Variants in PCDHGA5 observed in about 807,000 individuals in gnomAD.
PCDHGA5 encodes protocadherin gamma-A5.
Under a neutral mutation model 56.7 loss-of-function variants are expected in PCDHGA5, and 36 were observed. The ratio of observed to expected loss-of-function variants is 0.64; its 90% CI spans 0.49 to 0.84. The LOEUF (loss-of-function observed/expected upper bound fraction) is 0.84, where lower values mean the gene tolerates loss of function less well. PCDHGA5 is among the 40% of genes least tolerant of loss of function. PCDHGA5 has a pLI of 0.00. For synonymous variants in PCDHGA5, 563 were observed against 520.2 expected (o/e 1.08, Z -1.12); for missense variants, 1,305 against 1,201.5 (o/e 1.09, Z -1.27).
At chr5:141,500,184 T>A (rs889800014) in intron 2 of PCDHGA5, among the ~76,000 whole-genome samples, 89 of 135,966 alleles carry the variant, frequency 6.5e-4, no homozygotes, top group African/African-American at 2.4e-3. Flanking sequence ...TCATTTTTAT[T>A]TTTATTTATT....
At chr5:141,474,847 GC>G (rs1357496937) in intron 1 of PCDHGA5, among the ~76,000 whole-genome samples, 1 of 152,198 alleles carries the variant, frequency 6.6e-6, no homozygotes, top group East Asian at 1.9e-4. Context: ...CACTTTACCT[GC>G]CTTCTTCATT....
chr5:141,364,319 A>G lies in PCDHGA5; in HGVS notation c.-12A>G. The G allele has an allele frequency of 6.6e-7, 1 of 1,525,796 alleles. No homozygotes were observed. The highest frequency in any genetic ancestry group is 8.8e-7 in the Non-Finnish European group (1 of 1,140,038). 94.5% of individuals were successfully genotyped at this position (1,525,796 alleles called of 1,614,324 possible). A position where few individuals can be genotyped will look rare whatever the true frequency, so the allele number is the denominator to read the frequency against. The stretch of plus-strand genomic sequence containing the variant: ...AACCAGAACTAAGAGAAAATTGGGC[A>G]GAGAGAAGGCAATGGCGAGTCCACC... On this transcript the variant is annotated 5_prime_UTR_variant, in exon 1 of 4. Coordinates refer to ENST00000518069, the MANE Select transcript of PCDHGA5 (RefSeq NM_018918.3).
chr5:141,409,196 A>G (rs1197077093), intron 1 of PCDHGA5: 2 of 1,613,926 alleles, frequency 1.2e-6, no homozygotes, highest in Non-Finnish European at 1.7e-6. Flanking sequence ...TACCCAGTGT[A>G]AAGTAATCAT....
intron 1 of PCDHGA5, chr5:141,424,529 A>G (rs1308118953): frequency 6.6e-6 from 1 of 152,218 alleles, no homozygotes; most frequent in Non-Finnish European, 1.5e-5. Context: ...AAATCCATAT[A>G]TAGAAATAAC....
intron 1 of PCDHGA5, among the ~76,000 whole-genome samples, chr5:141,483,432 A>G (rs756227206): frequency 2.0e-5 from 3 of 152,200 alleles, no homozygotes; most frequent in African/African-American, 4.8e-5. Flanking sequence ...GAGGGAGCTG[A>G]CTACAATAAA....
rs76218301 is a variant in PCDHGA5 at position 141,380,317 on chromosome 5, A to G, written c.2421+13566A>G. On this transcript the variant is annotated intron_variant, in intron 1 of 3. Transcript: ENST00000518069. ...CCTATATCTTTGCTTGAGAATGAAA[A>G]TCTAAATGGAACTTCAAAGAACTGT... is the stretch of plus-strand genomic sequence containing the variant. Among the ~76,000 whole-genome samples the G allele has an allele frequency of 1.7e-4, 26 of 152,324 alleles. No individual in the cohort carries two copies. The East Asian group carries it at 5.0e-3, about 29-fold the overall frequency.
chr5:141,480,660 C>T (rs535356928), intron 1 of PCDHGA5, among the ~76,000 whole-genome samples: 2 of 152,170 alleles, frequency 1.3e-5, no homozygotes, highest in Non-Finnish European at 2.9e-5. Flanking sequence ...ACATTAAAAT[C>T]ACCTAGAGAC....
At chr5:141,398,993 G>A (rs1438560245) in intron 1 of PCDHGA5, 2 of 1,613,944 alleles carry the variant, frequency 1.2e-6, no homozygotes, top group Admixed American at 1.7e-5. Flanking sequence ...CAAATCTTTA[G>A]TCTGAATTCA....
rs372168887 is a variant in PCDHGA5, at chr5:141,477,322, C to T, written c.2422-17485C>T. On this transcript the variant is annotated intron_variant, in intron 1 of 3. Transcript: ENST00000518069. The surrounding 1 kb of genome is among the most constrained non-coding windows in gnomAD (Gnocchi z 4.9). The stretch of plus-strand genomic sequence containing the variant: ...GTCTCCCTTTCAGCCTTACTTCTTC[C>T]CTCAAGAATTACTTCACTTTGAAAA... 17 of 1,614,050 alleles carry T rather than the reference C, an allele frequency of 1.1e-5. No homozygotes were observed. In the African/African-American group the frequency reaches 1.5e-4, roughly 14 times the overall value.
At chr5:141,388,365 G>A (rs2091332064) in intron 1 of PCDHGA5, 1 of 1,614,002 alleles carries the variant, frequency 6.2e-7, no homozygotes, top group East Asian at 2.2e-5. Flanking sequence ...CCATGATGCG[G>A]ATATTGGTAG....
chr5:141,408,125 C>T, intron 1 of PCDHGA5: 1 of 1,478,650 alleles, frequency 6.8e-7, no homozygotes, highest in South Asian at 1.4e-5. Context: ...CTGTCCTGGG[C>T]CGAATGCTCT....
chr5:141,370,565 C>A, intron 1 of PCDHGA5: 4 of 1,613,782 alleles, frequency 2.5e-6, no homozygotes, highest in African/African-American at 1.3e-5. Context: ...TGGGGTTTGG[C>A]GTGGGGGATT....
intron 3 of PCDHGA5, among the ~76,000 whole-genome samples, chr5:141,509,583 A>G (rs1008344833): frequency 7.2e-5 from 11 of 152,320 alleles, no homozygotes; most frequent in African/African-American, 2.4e-4. Flanking sequence ...CGTACAAATC[A>G]GCTGGCAATT....
At position 141,364,231 on chromosome 5, in the gene PCDHGA5, C is replaced by G; in HGVS notation, c.-100C>G. ...GCTCCTACGAAAAGCCAACGCTCCACGCCCATTTTCGTCAGGGAATATGTA... is the reference window on the plus strand; with the variant it reads ...GCTCCTACGAAAAGCCAACGCTCCAGGCCCATTTTCGTCAGGGAATATGTA... On this transcript the variant is annotated 5_prime_UTR_variant, in exon 1 of 4. Transcript: ENST00000518069. The G allele has an allele frequency of 7.2e-7, 1 of 1,392,330 alleles. No individual in the cohort carries two copies. Among genetic ancestry groups the G allele is most frequent in the Non-Finnish European group, 9.6e-7 (1 of 1,043,994 alleles). The allele number at this position is 1,392,330 out of a possible 1,614,324, so 86.2% of individuals were successfully genotyped here.
chr5:141,451,914 A>G (rs1387569597), intron 1 of PCDHGA5, among the ~76,000 whole-genome samples: 3 of 152,022 alleles, frequency 2.0e-5, no homozygotes, highest in East Asian at 1.9e-4. Context: ...GGGAGGGAGG[A>G]AGGAAGGGAG....
chr5:141,496,621 CA>C (rs2099769988), intron 2 of PCDHGA5, among the ~76,000 whole-genome samples: 1 of 152,332 alleles, frequency 6.6e-6, no homozygotes, highest in Non-Finnish European at 1.5e-5. Flanking sequence ...AGCAGCAGAT[CA>C]AAAGGCTTGG....
intron 1 of PCDHGA5, chr5:141,373,808 A>C (rs1769864521): frequency 5.8e-6 from 2 of 342,678 alleles, no homozygotes; most frequent in South Asian, 1.1e-4. Flanking sequence ...TCTGTGTGAT[A>C]GTTTCACAAA....
chr5:141,390,061 A>G, intron 1 of PCDHGA5: 1 of 1,614,016 alleles, frequency 6.2e-7, no homozygotes, highest in East Asian at 2.2e-5. Context: ...AGCTGCTTCC[A>G]GCCTGGTCTC....
In PCDHGA5 at chr5:141,491,927, G is replaced by A. The variant is rs1314503730; in HGVS notation, c.2422-2880G>A. 3 of 1,309,982 alleles carry A rather than the reference G, an allele frequency of 2.3e-6. No individual in the cohort carries two copies. In the African/African-American group the frequency reaches 4.5e-5, roughly 20 times the overall value. 81.1% of individuals were successfully genotyped at this position (1,309,982 alleles called of 1,614,324 possible). A position where few individuals can be genotyped will look rare whatever the true frequency, so the allele number is the denominator to read the frequency against. On this transcript the variant is annotated intron_variant, in intron 1 of 3. Coordinates refer to ENST00000518069, the MANE Select transcript of PCDHGA5 (RefSeq NM_018918.3). The surrounding 1 kb of genome is among the most constrained non-coding windows in gnomAD (Gnocchi z 6.9). ...GTGGTGGCGACTGTGGGCGAGGGGAGGTGGGACCGACCCCCACCCCTACAC... is the reference window on the plus strand; with the variant it reads ...GTGGTGGCGACTGTGGGCGAGGGGAAGTGGGACCGACCCCCACCCCTACAC...
Sources: allele counts gnomAD v4.1 joint callset (sites outside exome capture counted in the v4.1 genomes callset), GRCh38; gene constraint gnomAD v4.1.1; non-coding constraint Gnocchi (gnomAD v3.1); transcripts MANE v1.5; gene names NCBI Gene and HGNC (gene_info 2026-07-23, HGNC 2026-07-21).